Variants in DAG1 observed in about 807,000 individuals in gnomAD.
The protein encoded by DAG1 is dystroglycan 1 (dystrophin-associated glycoprotein 1).
Under a neutral mutation model 46.1 loss-of-function variants are expected in DAG1, and 8 were observed. The ratio of observed to expected loss-of-function variants is 0.17; its 90% CI spans 0.10 to 0.31. DAG1 has a LOEUF of 0.31. Among genes scored for constraint, DAG1 ranks in the 10% least tolerant of loss-of-function variants. The probability of loss-of-function intolerance (pLI) is 1.00; values close to 1 mark genes in which losing one functional copy is unlikely to be tolerated. For synonymous variants in DAG1, 495 were observed against 481.8 expected, an observed-to-expected ratio of 1.03 and a Z score of -0.36; for missense variants, 1,003 against 1,189.9, an observed-to-expected ratio of 0.84 and a Z score of 2.31.
Position 49,534,379 on chromosome 3 carries a change from C to T in DAG1, c.*1180C>T. 1 of 152,620 alleles carries T rather than the reference C, an allele frequency of 6.6e-6. No individual in the cohort carries two copies. The highest frequency in any genetic ancestry group is 1.5e-5 in the Non-Finnish European group (1 of 68,034). The allele number at this position is 152,620 out of a possible 1,614,324, so 9.5% of individuals were successfully genotyped here. A position where few individuals can be genotyped will look rare whatever the true frequency, so the allele number is the denominator to read the frequency against. On this transcript the variant is annotated 3_prime_UTR_variant, in exon 3 of 3. Coordinates refer to ENST00000308775, the MANE Select transcript of DAG1 (RefSeq NM_004393.6). ...TTTTCTCTGGCACTCCAGTCCCAGG[C>T]CTTGGGCCTGAACTACTGGAAAAGG...
At chr3:49,510,003 A>G (rs755869882) in intron 1 of DAG1, among the ~76,000 whole-genome samples, 7 of 152,258 alleles carry the variant, frequency 4.6e-5, no homozygotes, top group Non-Finnish European at 1.0e-4. Flanking sequence ...TGCCAGGATC[A>G]TAGGCGTGAG....
intron 2 of DAG1, among the ~76,000 whole-genome samples, chr3:49,521,486 G>A (rs2051026574): frequency 6.6e-6 from 1 of 152,074 alleles, no homozygotes; most frequent in South Asian, 2.1e-4. Flanking sequence ...TTTGAGACAG[G>A]TCTTGCTCTG....
At position 49,533,532 on chromosome 3, in the gene DAG1, G is replaced by T; in HGVS notation, c.*333G>T. ...GGAGCGAGGAACCATGAATGAACTC[G>T]CAGGCAGTGCCGGGCGGCCCCCTGG... On this transcript the variant is annotated 3_prime_UTR_variant, in exon 3 of 3. Transcript: ENST00000308775. 5.7e-6 allele frequency: 3 copies of T among 528,980 alleles called. No homozygotes were observed. The highest frequency in any genetic ancestry group is 1.1e-5 in the Non-Finnish European group (3 of 280,870). The allele number at this position is 528,980 out of a possible 1,614,324, so 32.8% of individuals were successfully genotyped here.
intron 1 of DAG1, chr3:49,510,164 GTAT>G: frequency 2.1e-6 from 1 of 475,746 alleles, no homozygotes; most frequent in Non-Finnish European, 3.7e-6. Flanking sequence ...TATTTTAAAA[GTAT>G]TAATGAGGCA....
At chr3:49,475,571 G>A (rs1256060266) in intron 1 of DAG1, among the ~76,000 whole-genome samples, 2 of 151,582 alleles carry the variant, frequency 1.3e-5, no homozygotes, top group Non-Finnish European at 2.9e-5. Flanking sequence ...TGCCCAGCCA[G>A]CAATTTCTAT....
intron 1 of DAG1, among the ~76,000 whole-genome samples, chr3:49,478,429 TACAAAAA>T (rs1559546382): frequency 3.6e-5 from 1 of 27,820 alleles, no homozygotes; most frequent in Non-Finnish European, 7.0e-5. Flanking sequence ...ACCCTGTCTC[TACAAAAA>T]ATAAAAAAAA....
Position 49,532,999 on chromosome 3 carries a change from G to A in DAG1, c.2488G>A (p.Glu830Lys), listed in dbSNP as rs2051408709. 1 of 1,613,958 alleles carries A rather than the reference G, an allele frequency of 6.2e-7. No homozygotes were observed. The highest frequency in any genetic ancestry group is 8.5e-7 in the Non-Finnish European group (1 of 1,179,988). ...GGAGAAGGCTCCCCTACCCCCTCCT[G>A]AGTACCCCAACCAGAGTGTGCCCGA... ...QEEKAPLPPPEYPNQSVPETT... is the reference protein window; with the variant it reads ...QEEKAPLPPPKYPNQSVPETT... Residue 830 changes from glutamate to lysine, a missense_variant, in exon 3 of 3, where the codon GAG becomes AAG. By Grantham distance (56) the Glu-to-Lys change is moderately conservative. Transcript: ENST00000308775. This position sits in a 1 kb window ranked among gnomAD's most constrained non-coding sequence, Gnocchi z 5.4.
At chr3:49,519,512 T>G (rs888819005) in intron 2 of DAG1, among the ~76,000 whole-genome samples, 7 of 152,174 alleles carry the variant, frequency 4.6e-5, no homozygotes, top group African/African-American at 1.7e-4. Context: ...AGCATTTCTT[T>G]GGATGCTTGA....
rs772616351 is a variant in DAG1, at chr3:49,532,681, C to T, written c.2170C>T (p.Pro724Ser). The change falls in exon 3 of 3, where the codon CCC becomes TCC. Residue 724 changes from proline (P) to serine (S), a missense_variant. By Grantham distance (74) the Pro-to-Ser change is moderately conservative. This residue lies in a region of DAG1 where 755 missense variants were observed against 854.1 expected (regional missense o/e 0.88). Coordinates refer to ENST00000308775, the MANE Select transcript of DAG1 (RefSeq NM_004393.6). The surrounding 1 kb of genome is among the most constrained non-coding windows in gnomAD (Gnocchi z 5.4). ...RHLQFIPVVP[P>S]RRVPSEAPPT... ...CCTACAGTTTATCCCTGTGGTACCA[C>T]CCAGGAGAGTGCCCTCAGAGGCGCC... The T allele has an allele frequency of 4.3e-6, 7 of 1,614,072 alleles. No individual in the cohort carries two copies. In the Admixed American group the frequency reaches 8.3e-5, roughly 19 times the overall value.
chr3:49,486,376 G>A (rs1326828675), intron 1 of DAG1, among the ~76,000 whole-genome samples: 1 of 151,732 alleles, frequency 6.6e-6, no homozygotes, highest in Non-Finnish European at 1.5e-5. Flanking sequence ...ATGCCACCAC[G>A]CCCGGCTAAT....
intron 1 of DAG1, among the ~76,000 whole-genome samples, chr3:49,489,350 C>T (rs1016595667): frequency 1.3e-5 from 2 of 152,164 alleles, no homozygotes; most frequent in Non-Finnish European, 2.9e-5. Context: ...CCTCTGCCTC[C>T]AGTAGTGCTG....
chr3:49,531,271 A>G lies in DAG1; in HGVS notation c.760A>G (p.Asn254Asp). 1 of 1,614,026 alleles carries G rather than the reference A, an allele frequency of 6.2e-7. No homozygotes were observed. The highest frequency in any genetic ancestry group is 8.5e-7 in the Non-Finnish European group (1 of 1,179,996). Reference sequence around the variant, plus strand: ...GGGAAATGCAAAAAAGGTGGTGGAGAATGGGGCCCTTCTCTCCTGGAAGCT... The same window carrying G: ...GGGAAATGCAAAAAAGGTGGTGGAGGATGGGGCCCTTCTCTCCTGGAAGCT... Reference protein sequence around the residue: ...GPGNAKKVVENGALLSWKLGC... With the variant: ...GPGNAKKVVEDGALLSWKLGC... Residue 254 changes from asparagine (N) to aspartate (D), a missense_variant, in exon 3 of 3, where the codon AAT becomes GAT. Physicochemically the swap from Asn to Asp is conservative, Grantham distance 23. Coordinates refer to ENST00000308775, the MANE Select transcript of DAG1 (RefSeq NM_004393.6). This position sits in a 1 kb window ranked among gnomAD's most constrained non-coding sequence, Gnocchi z 7.0.
chr3:49,522,071 C>T (rs371179459), intron 2 of DAG1, among the ~76,000 whole-genome samples: 1 of 151,876 alleles, frequency 6.6e-6, no homozygotes, highest in Admixed American at 6.6e-5. Context: ...CTCTTGTCCC[C>T]CAGGCTGGAG....
At position 49,533,178 on chromosome 3, in the gene DAG1, T is replaced by A. The variant is rs760977919; in HGVS notation, c.2667T>A (p.Pro889=). The A allele has an allele frequency of 1.8e-5, 29 of 1,613,310 alleles. No homozygotes were observed. The highest frequency in any genetic ancestry group is 1.0e-4 in the Admixed American group (6 of 59,994). The stretch of plus-strand genomic sequence containing the variant: ...AGAACATGACCCCATACCGGTCACC[T>A]CCTCCCTATGTCCCACCTTAACCCG... ...RPKNMTPYRS[P]PPYVPP is the part of the protein sequence containing the mutation. The change falls in exon 3 of 3, where the codon CCT becomes CCA. Residue 889 remains proline, a synonymous_variant. Coordinates refer to ENST00000308775, the MANE Select transcript of DAG1 (RefSeq NM_004393.6).
intron 2 of DAG1, among the ~76,000 whole-genome samples, chr3:49,528,430 G>A (rs1271888876): frequency 1.3e-5 from 2 of 151,604 alleles, no homozygotes; most frequent in Non-Finnish European, 2.9e-5. Flanking sequence ...GACTACAGGT[G>A]TGCACCACCA....
In DAG1 at chr3:49,504,294, T is replaced by G. The variant is rs528840415; in HGVS notation, c.-116-6125T>G. ...TTTTTTTTTCACTTAGCAAGATTGC[T>G]TGGAAATTCATCCAAGTTGTTGAGC... On this transcript the variant is annotated intron_variant, in intron 1 of 2. Transcript: ENST00000308775. Among the ~76,000 whole-genome samples the G allele has an allele frequency of 5.9e-5, 9 of 152,096 alleles. 1 individual carries two copies. Among genetic ancestry groups the G allele is most frequent in the East Asian group, 5.8e-4 (3 of 5,180 alleles).
intron 1 of DAG1, among the ~76,000 whole-genome samples, chr3:49,482,533 T>C (rs750481215): frequency 1.3e-5 from 2 of 152,220 alleles, no homozygotes. Flanking sequence ...TGTTATTCTT[T>C]ACTCCACTGA....
At position 49,532,051 on chromosome 3, in the gene DAG1, T is replaced by C; in HGVS notation, c.1540T>C (p.Phe514Leu). The C allele has an allele frequency of 6.2e-7, 1 of 1,614,148 alleles. No homozygotes were observed. The highest frequency in any genetic ancestry group is 1.3e-5 in the African/African-American group (1 of 75,036). The change falls in exon 3 of 3, where the codon TTT becomes CTT. Residue 514 changes from phenylalanine (F) to leucine (L), a missense_variant. Physicochemically the swap from Phe to Leu is conservative, Grantham distance 22. Around this residue, in one of 3 missense-constraint regions of DAG1, gnomAD observed 755 missense variants for 854.1 expected, o/e 0.88. Transcript: ENST00000308775. The surrounding 1 kb of genome is among the most constrained non-coding windows in gnomAD (Gnocchi z 5.4). ...DRVDAWVGTY[F>L]EVKIPSDTFY... ...GGTAGATGCCTGGGTTGGCACCTAC[T>C]TTGAGGTGAAGATCCCGTCAGACAC...
chr3:49,484,091 A>C (rs1404238048), intron 1 of DAG1, among the ~76,000 whole-genome samples: 1 of 152,180 alleles, frequency 6.6e-6, no homozygotes, highest in Admixed American at 6.5e-5. Flanking sequence ...AAAGTCACAA[A>C]TAGATAACAG....
Sources: allele counts gnomAD v4.1 joint callset (sites outside exome capture counted in the v4.1 genomes callset), GRCh38; gene constraint gnomAD v4.1.1; regional missense constraint gnomAD v4.1.1; non-coding constraint Gnocchi (gnomAD v3.1); transcripts MANE v1.5; gene names NCBI Gene and HGNC (gene_info 2026-07-23, HGNC 2026-07-21).